NRG3: variants seen among roughly 807,000 people sequenced by gnomAD.
NRG3 encodes the protein pro-neuregulin-3, membrane-bound isoform.
NRG3 carries 31 observed loss-of-function variants against 66.9 expected under a neutral mutation model. The ratio of observed to expected loss-of-function variants is 0.46; its 90% CI spans 0.35 to 0.63. NRG3 has a LOEUF of 0.63. Among genes scored for constraint, NRG3 ranks in the 20% least tolerant of loss-of-function variants. The pLI is 0.00. For missense variants in NRG3, 910 were observed against 878.9 expected (o/e 1.04, Z -0.45); for synonymous variants, 393 against 359.4 (o/e 1.09, Z -1.06).
intron 3 of NRG3, among the ~76,000 whole-genome samples, chr10:82,763,207 C>A (rs10466199): frequency 0.091 from 13,787 of 152,078 alleles, 801 homozygotes; most frequent in Middle Eastern, 0.18. Flanking sequence ...CAAACAGCGA[C>A]CTTTTCCAGA....
intron 1 of NRG3, among the ~76,000 whole-genome samples, chr10:82,023,991 T>C (rs1308274189): frequency 6.6e-6 from 1 of 152,148 alleles, no homozygotes; most frequent in Non-Finnish European, 1.5e-5. Flanking sequence ...GGGCTTTTCT[T>C]TGATGTGAGA....
At chr10:81,947,479 G>A (rs983650995) in intron 1 of NRG3, among the ~76,000 whole-genome samples, 1 of 152,136 alleles carries the variant, frequency 6.6e-6, no homozygotes, top group African/African-American at 2.4e-5. Flanking sequence ...ATGTATGGCT[G>A]TTCTGGTTGC....
intron 1 of NRG3, among the ~76,000 whole-genome samples, chr10:82,217,681 T>C (rs917063543): frequency 6.6e-6 from 1 of 151,882 alleles, no homozygotes; most frequent in African/African-American, 2.4e-5. Flanking sequence ...CTAAGGACAC[T>C]GAGCGTTCTT....
At chr10:82,939,824 T>C (rs549904647) in intron 4 of NRG3, among the ~76,000 whole-genome samples, 1 of 151,466 alleles carries the variant, frequency 6.6e-6, no homozygotes, top group Admixed American at 6.6e-5. Flanking sequence ...AGCAAGAAAA[T>C]GAATCCCTAG....
At chr10:82,935,522 A>G (rs1163330017) in intron 4 of NRG3, among the ~76,000 whole-genome samples, 1 of 152,246 alleles carries the variant, frequency 6.6e-6, no homozygotes, top group African/African-American at 2.4e-5. Flanking sequence ...TATGAGCACT[A>G]ACATAAACAA....
At chr10:82,342,415 A>T (rs1013999040) in intron 1 of NRG3, among the ~76,000 whole-genome samples, 2 of 151,992 alleles carry the variant, frequency 1.3e-5, no homozygotes, top group Admixed American at 6.6e-5. Flanking sequence ...TTTTCTCCAC[A>T]TCCTCACAAT....
chr10:82,049,239 A>T (rs1270312078), intron 1 of NRG3, among the ~76,000 whole-genome samples: 1 of 152,092 alleles, frequency 6.6e-6, no homozygotes, highest in Admixed American at 6.6e-5. Context: ...TTCACTGCAA[A>T]GATTGCTGCC....
intron 2 of NRG3, among the ~76,000 whole-genome samples, chr10:82,501,415 G>C (rs1245705089): frequency 6.6e-6 from 1 of 152,248 alleles, no homozygotes; most frequent in African/African-American, 2.4e-5. Context: ...AGGGCTCCCT[G>C]TTACACTCAG....
intron 2 of NRG3, among the ~76,000 whole-genome samples, chr10:82,679,065 A>T (rs1443905997): frequency 6.6e-6 from 1 of 152,146 alleles, no homozygotes; most frequent in Non-Finnish European, 1.5e-5. Flanking sequence ...AAATGTCTTG[A>T]GTTTTAGTTT....
At chr10:82,236,817 G>A (rs1051923389) in intron 1 of NRG3, among the ~76,000 whole-genome samples, 5 of 143,954 alleles carry the variant, frequency 3.5e-5, no homozygotes, top group Admixed American at 1.5e-4. Flanking sequence ...CCGGGTTCAT[G>A]CCATTCTCTT....
At chr10:81,922,170 A>G (rs540439368) in intron 1 of NRG3, among the ~76,000 whole-genome samples, 1 of 152,132 alleles carries the variant, frequency 6.6e-6, no homozygotes, top group East Asian at 1.9e-4. Context: ...TTGTTAAAAA[A>G]TTTTTTGACT....
At chr10:82,870,114 C>T (rs377255381) in intron 4 of NRG3, among the ~76,000 whole-genome samples, 12 of 150,890 alleles carry the variant, frequency 8.0e-5, no homozygotes, top group South Asian at 2.1e-4. Flanking sequence ...GTGATCTGCC[C>T]GCCTCAGCCT....
Position 82,984,639 on chromosome 10 carries a change from G to A in NRG3, c.1584-459G>A. 7.4e-6 allele frequency: 5 copies of A among 679,640 alleles called. No individual in the cohort carries two copies. The Admixed American group carries it at 8.6e-5, about 12-fold the overall frequency. 42.1% of individuals were successfully genotyped at this position (679,640 alleles called of 1,614,324 possible). A position where few individuals can be genotyped will look rare whatever the true frequency, so the allele number is the denominator to read the frequency against. The stretch of plus-strand genomic sequence containing the variant: ...CTTCTTGATTGGCTTCGACTAGGGT[G>A]GCCACAACAAGTCTACTGGACTAAC... On this transcript the variant is annotated intron_variant, in intron 8 of 8. Coordinates refer to ENST00000372141, the MANE Select transcript of NRG3 (RefSeq NM_001010848.4).
intron 1 of NRG3, among the ~76,000 whole-genome samples, chr10:82,124,503 G>A (rs190075163): frequency 3.3e-5 from 5 of 151,870 alleles, no homozygotes; most frequent in South Asian, 4.2e-4. Flanking sequence ...GTTCTCACTC[G>A]TAAGTGAGGC....
chr10:82,839,731 A>T lies in NRG3; in HGVS notation c.1028-25680A>T, dbSNP rs2062961162. ...ATGTAACGATGTATGTACACAAAAT[A>T]AAAATACATGAATATATATTTATAT... On this transcript the variant is annotated intron_variant, in intron 3 of 8. Coordinates refer to ENST00000372141, the MANE Select transcript of NRG3 (RefSeq NM_001010848.4). Among the ~76,000 whole-genome samples, 2 of 151,970 alleles carry T rather than the reference A, an allele frequency of 1.3e-5. 1 individual carries two copies. Among genetic ancestry groups the T allele is most frequent in the South Asian group, 4.1e-4 (2 of 4,820 alleles).
At chr10:81,889,983 T>C (rs10748842) in intron 1 of NRG3, among the ~76,000 whole-genome samples, 19,342 of 152,192 alleles carry the variant, frequency 0.13, 1,286 homozygotes, top group South Asian at 0.18. Context: ...CTCTGAGTAA[T>C]TTATGATAAA....
chr10:82,818,627 T>C (rs1245764435), intron 3 of NRG3, among the ~76,000 whole-genome samples: 1 of 152,116 alleles, frequency 6.6e-6, no homozygotes, highest in Non-Finnish European at 1.5e-5. Flanking sequence ...GGGGAGTCTT[T>C]CTTTTTTTTC....
chr10:82,789,432 A>T (rs1434603167), intron 3 of NRG3, among the ~76,000 whole-genome samples: 2 of 152,004 alleles, frequency 1.3e-5, no homozygotes, highest in African/African-American at 4.8e-5. Flanking sequence ...ATTTTATCTC[A>T]CTCTATGTAT....
At chr10:82,657,689 A>G in intron 2 of NRG3, among the ~76,000 whole-genome samples, 1 of 152,172 alleles carries the variant, frequency 6.6e-6, no homozygotes, top group East Asian at 1.9e-4. Context: ...TTACAAATGA[A>G]GGATGTAAAA....
Sources: gnomAD v4.1 joint callset for allele counts (sites outside exome capture counted in the v4.1 genomes callset) on GRCh38, gnomAD v4.1.1 for gene constraint, MANE v1.5 for transcripts, NCBI Gene and HGNC (gene_info 2026-07-23, HGNC 2026-07-21) for gene names.